HTR3B: variants seen among roughly 807,000 people sequenced by gnomAD.
HTR3B encodes 5-hydroxytryptamine receptor 3B.
A neutral mutation model predicts 42.8 loss-of-function variants in HTR3B; 44 were observed. The observed-to-expected ratio is 1.03, with a 90% CI of 0.81 to 1.32. HTR3B has a LOEUF of 1.32. Ranked by LOEUF, HTR3B falls within the 40% of genes most tolerant of loss-of-function variation. The pLI is 0.00. For synonymous variants in HTR3B, 203 were observed against 209.0 expected (o/e 0.97, Z 0.25); for missense variants, 527 against 536.5 (o/e 0.98, Z 0.17).
chr11:113,929,178 T>G (rs1950007054), intron 2 of HTR3B, among the ~76,000 whole-genome samples: 1 of 152,348 alleles, frequency 6.6e-6, no homozygotes, highest in Middle Eastern at 3.4e-3. Context: ...CCAACACTTG[T>G]TATTTTCTGC....
intron 2 of HTR3B, 80 bp downstream of exon 2, chr11:113,909,535 G>T (rs1044268585): frequency 5.1e-6 from 6 of 1,175,682 alleles, no homozygotes; most frequent in Non-Finnish European, 7.2e-6. Context: ...CCTATGAGAG[G>T]TTATATTCTT....
chr11:113,925,374 G>C (rs906061604), intron 2 of HTR3B, among the ~76,000 whole-genome samples: 1 of 149,684 alleles, frequency 6.7e-6, no homozygotes, highest in African/African-American at 2.5e-5. Flanking sequence ...AGTGACTCTT[G>C]AGCTTTGAAC....
chr11:113,917,130 C>A (rs1025037499), intron 2 of HTR3B, among the ~76,000 whole-genome samples: 1 of 147,180 alleles, frequency 6.8e-6, no homozygotes, highest in Non-Finnish European at 1.5e-5. Flanking sequence ...GTGTTGAAAT[C>A]TTCTATTTTT....
chr11:113,939,428 G>C (rs566628402), intron 6 of HTR3B, among the ~76,000 whole-genome samples: 6 of 152,198 alleles, frequency 3.9e-5, no homozygotes, highest in Non-Finnish European at 8.8e-5. Context: ...ACTAAACCAA[G>C]TGCAGGGCCC....
At chr11:113,919,103 A>G (rs1453919679) in intron 2 of HTR3B, among the ~76,000 whole-genome samples, 4 of 152,194 alleles carry the variant, frequency 2.6e-5, no homozygotes, top group Non-Finnish European at 5.9e-5. Flanking sequence ...AATGTTAAAA[A>G]TATTTTAAAT....
At chr11:113,918,728 C>A (rs1374554206) in intron 2 of HTR3B, among the ~76,000 whole-genome samples, 2 of 150,660 alleles carry the variant, frequency 1.3e-5, no homozygotes, top group Non-Finnish European at 2.9e-5. Context: ...CCAGTCTTGG[C>A]TCGCTGCAAC....
intron 6 of HTR3B, among the ~76,000 whole-genome samples, chr11:113,939,185 G>T (rs981497237): frequency 6.6e-6 from 1 of 152,108 alleles, no homozygotes; most frequent in South Asian, 2.1e-4. Context: ...CTAGTTTTGC[G>T]ATTCTATAAG....
At position 113,947,981 on chromosome 11, in the gene HTR3B, C is replaced by T. The variant is rs972865177; in HGVS notation, c.*1844C>T. Among the ~76,000 whole-genome samples, 24 of 152,070 alleles carry T rather than the reference C, an allele frequency of 1.6e-4. No individual in the cohort carries two copies. Among genetic ancestry groups the T allele is most frequent in the African/African-American group, 5.8e-4 (24 of 41,392 alleles). ...ATTGCCTTTAGAAAAATCTGCCCCCCTCCATCCCCCCAAAGAAAAAGAATT... is the reference window on the plus strand; with the variant it reads ...ATTGCCTTTAGAAAAATCTGCCCCCTTCCATCCCCCCAAAGAAAAAGAATT... On this transcript the variant is annotated 3_prime_UTR_variant, in exon 9 of 9. Coordinates refer to ENST00000260191, the MANE Select transcript of HTR3B (RefSeq NM_006028.5).
intron 2 of HTR3B, among the ~76,000 whole-genome samples, chr11:113,930,466 G>A (rs1030680698): frequency 4.0e-5 from 6 of 149,146 alleles, no homozygotes; most frequent in Non-Finnish European, 5.9e-5. Context: ...AATTGGTGAG[G>A]AGGGTTTTTT....
rs1949723840 is a variant in HTR3B at position 113,904,925 on chromosome 11, T to G, written c.-9T>G. The G allele has an allele frequency of 6.2e-7, 1 of 1,612,972 alleles. No individual in the cohort carries two copies. Among genetic ancestry groups the G allele is most frequent in the Admixed American group, 1.7e-5 (1 of 59,966 alleles). ...GTTTGCATTTCTCCTTTTTGGGATC[T>G]GCCCAGGAATGTTGTCAAGTGTAAT... On this transcript the variant is annotated 5_prime_UTR_variant, in exon 1 of 9. Transcript: ENST00000260191.
At chr11:113,905,678 T>G (rs749400050) in intron 1 of HTR3B, among the ~76,000 whole-genome samples, 1 of 152,200 alleles carries the variant, frequency 6.6e-6, no homozygotes, top group Non-Finnish European at 1.5e-5. Context: ...TGATTCTTAG[T>G]ACATGCGCAC....
chr11:113,946,381 T>G lies in HTR3B; in HGVS notation c.*244T>G. On this transcript the variant is annotated 3_prime_UTR_variant, in exon 9 of 9. Coordinates refer to ENST00000260191, the MANE Select transcript of HTR3B (RefSeq NM_006028.5). ...ATAAATAAATAAATAAATAAATAAA[T>G]AGCTGGGCATAGTGGCTCATGCCTG... 2.4e-5 allele frequency: 5 copies of G among 204,226 alleles called. No individual in the cohort carries two copies. The highest frequency in any genetic ancestry group is 1.2e-4 in the East Asian group (1 of 8,640). The allele number at this position is 204,226 out of a possible 1,614,324, so 12.7% of individuals were successfully genotyped here.
Position 113,946,290 on chromosome 11 carries a change from C to A in HTR3B, c.*153C>A. 1 of 624,098 alleles carries A rather than the reference C, an allele frequency of 1.6e-6. No homozygotes were observed. The highest frequency in any genetic ancestry group is 2.9e-6 in the Non-Finnish European group (1 of 349,178). The allele number at this position is 624,098 out of a possible 1,614,324, so 38.7% of individuals were successfully genotyped here. ...CCATAGCAGGAGGATTGCTTGAGCC[C>A]AGGAGTTCGAGACCAGCCAGAGCAA... On this transcript the variant is annotated 3_prime_UTR_variant, in exon 9 of 9. Transcript: ENST00000260191.
upstream of HTR3B, among the ~76,000 whole-genome samples, chr11:113,903,196 G>C (rs964911039): frequency 6.6e-6 from 1 of 152,046 alleles, no homozygotes; most frequent in African/African-American, 2.4e-5. Flanking sequence ...GAAGATGCCT[G>C]CTGTTTTGTT....
At chr11:113,944,880 C>G in intron 8 of HTR3B, 125 bp downstream of exon 8, 1 of 779,988 alleles carries the variant, frequency 1.3e-6, no homozygotes, top group Non-Finnish European at 2.0e-6. Flanking sequence ...GCTTCTTAGC[C>G]TGGGTGTGGC....
At chr11:113,939,969 C>G (rs894440457) in intron 6 of HTR3B, among the ~76,000 whole-genome samples, 1 of 151,450 alleles carries the variant, frequency 6.6e-6, no homozygotes, top group Non-Finnish European at 1.5e-5. Context: ...TCACTGCAAC[C>G]TCTGCCTCTT....
intron 6 of HTR3B, among the ~76,000 whole-genome samples, chr11:113,933,945 G>C (rs1157465414): frequency 6.6e-6 from 1 of 152,186 alleles, no homozygotes; most frequent in Admixed American, 6.5e-5. Context: ...CCAAGTAATG[G>C]ATTCAGTTGA....
At chr11:113,921,869 G>T (rs1591576331) in intron 2 of HTR3B, among the ~76,000 whole-genome samples, 1 of 152,248 alleles carries the variant, frequency 6.6e-6, no homozygotes, top group South Asian at 2.1e-4. Flanking sequence ...ATACTTGTTT[G>T]TTATTAGACT....
rs1440545857 is a variant in HTR3B, at chr11:113,947,336, A to T, written c.*1199A>T. Among the ~76,000 whole-genome samples the T allele has an allele frequency of 6.6e-6, 1 of 152,108 alleles. No individual in the cohort carries two copies. Among genetic ancestry groups the T allele is most frequent in the African/African-American group, 2.4e-5 (1 of 41,424 alleles). ...CAGTCTAGCACATCATTTAGTCCAC[A>T]CACAAGGGGCAATGCATGGAGTGGG... On this transcript the variant is annotated 3_prime_UTR_variant, in exon 9 of 9. Coordinates refer to ENST00000260191, the MANE Select transcript of HTR3B (RefSeq NM_006028.5).
Sources: allele counts gnomAD v4.1 joint callset (sites outside exome capture counted in the v4.1 genomes callset), GRCh38; gene constraint gnomAD v4.1.1; transcripts MANE v1.5; gene names NCBI Gene and HGNC (gene_info 2026-07-23, HGNC 2026-07-21).